Variants in ERBB4 observed in about 807,000 individuals in gnomAD.
ERBB4 encodes receptor tyrosine-protein kinase erbB-4.
A neutral mutation model predicts 158.0 loss-of-function variants in ERBB4; 42 were observed. The observed-to-expected ratio is 0.27, with a 90% CI of 0.21 to 0.34. The LOEUF (loss-of-function observed/expected upper bound fraction) is 0.34, where lower values mean the gene tolerates loss of function less well. ERBB4 is among the 10% of genes least tolerant of loss of function. The pLI is 1.00. For missense variants in ERBB4, 1,333 were observed against 1,624.1 expected, an observed-to-expected ratio of 0.82 and a Z score of 3.08; for synonymous variants, 583 against 558.7, an observed-to-expected ratio of 1.04 and a Z score of -0.61.
intron 2 of ERBB4, among the ~76,000 whole-genome samples, chr2:212,065,028 T>TG (rs1259130245): frequency 9.2e-5 from 12 of 130,392 alleles, no homozygotes; most frequent in African/African-American, 2.5e-4. Context: ...TGTGTGTGTG[T>TG]TGTGTGTGTG....
At chr2:211,725,889 A>T (rs562451814) in intron 5 of ERBB4, among the ~76,000 whole-genome samples, 2 of 152,118 alleles carry the variant, frequency 1.3e-5, no homozygotes, top group African/African-American at 4.8e-5. Context: ...AAAGAAAGCC[A>T]TTAATAGTAA....
At chr2:212,321,921 A>G (rs564159997) in intron 1 of ERBB4, among the ~76,000 whole-genome samples, 1 of 150,224 alleles carries the variant, frequency 6.7e-6, no homozygotes, top group Admixed American at 6.6e-5. Context: ...TAAAATGGCT[A>G]CAGAGATGGA....
At chr2:212,494,467 CAGTT>C (rs1457713095) in intron 1 of ERBB4, among the ~76,000 whole-genome samples, 1 of 151,972 alleles carries the variant, frequency 6.6e-6, no homozygotes, top group East Asian at 1.9e-4. Context: ...AAAATGACCT[CAGTT>C]AGAAGAAATT....
intron 1 of ERBB4, among the ~76,000 whole-genome samples, chr2:212,203,716 C>T (rs977669546): frequency 1.3e-5 from 2 of 152,178 alleles, no homozygotes; most frequent in African/African-American, 2.4e-5. Context: ...TTAATCCAAT[C>T]TCTGTCCACT....
At chr2:212,239,328 C>A (rs1251828745) in intron 1 of ERBB4, among the ~76,000 whole-genome samples, 2 of 152,096 alleles carry the variant, frequency 1.3e-5, no homozygotes, top group Non-Finnish European at 2.9e-5. Context: ...CAGGCATGAC[C>A]CATCACACCC....
At chr2:212,046,063 A>G (rs1443582679) in intron 2 of ERBB4, among the ~76,000 whole-genome samples, 1 of 152,212 alleles carries the variant, frequency 6.6e-6, no homozygotes, top group South Asian at 2.1e-4. Context: ...GAAGATGACA[A>G]TTTGGATAAA....
chr2:211,971,034 AG>A (rs772596725), intron 2 of ERBB4, among the ~76,000 whole-genome samples: 71 of 152,232 alleles, frequency 4.7e-4, no homozygotes, highest in Non-Finnish European at 7.4e-4. Flanking sequence ...TTTCATATTC[AG>A]TGCTTCCTTG....
In ERBB4 at chr2:211,580,879, A is replaced by AG. The variant is rs1177522902; in HGVS notation, c.2302-18792_2302-18791insC. ...AGTATGCATATACATATATATATAT[A>AG]TATATATATATATATATATATATAT... On this transcript the variant is annotated intron_variant, in intron 19 of 27. Coordinates refer to ENST00000342788, the MANE Select transcript of ERBB4 (RefSeq NM_005235.3). Among the ~76,000 whole-genome samples the AG allele has an allele frequency of 3.7e-3, 250 of 67,110 alleles. 20 individuals are homozygous for AG. Among genetic ancestry groups the AG allele is most frequent in the Non-Finnish European group, 3.9e-3 (162 of 41,064 alleles). The allele number at this position is 67,110 out of a possible 152,430, so 44.0% of individuals were successfully genotyped here.
At chr2:211,881,602 C>A (rs2371345) in intron 3 of ERBB4, among the ~76,000 whole-genome samples, 1 of 137,060 alleles carries the variant, frequency 7.3e-6, no homozygotes, top group Non-Finnish European at 1.5e-5. Flanking sequence ...GGGTGGGGGT[C>A]GGGGGGGCTG....
At chr2:212,290,677 TGTGC>T (rs2086172896) in intron 1 of ERBB4, among the ~76,000 whole-genome samples, 1 of 151,968 alleles carries the variant, frequency 6.6e-6, no homozygotes, top group Admixed American at 6.6e-5. Flanking sequence ...TGTGTGTGTG[TGTGC>T]GTGTGTGCAC....
chr2:211,484,620 A>C (rs1239536921), intron 20 of ERBB4, among the ~76,000 whole-genome samples: 1 of 152,204 alleles, frequency 6.6e-6, no homozygotes, highest in East Asian at 1.9e-4. Flanking sequence ...AAAAAGCATA[A>C]TTTCATAATG....
At chr2:211,625,579 T>C (rs988795791) in intron 17 of ERBB4, among the ~76,000 whole-genome samples, 10 of 152,210 alleles carry the variant, frequency 6.6e-5, no homozygotes, top group South Asian at 4.1e-4. Context: ...TTTGATAACA[T>C]AGAACTGCAT....
intron 20 of ERBB4, among the ~76,000 whole-genome samples, chr2:211,515,872 T>C (rs951053694): frequency 6.9e-6 from 1 of 144,222 alleles, no homozygotes; most frequent in African/African-American, 2.6e-5. Context: ...AGTGACTGTT[T>C]AGTAACTTAT....
intron 1 of ERBB4, among the ~76,000 whole-genome samples, chr2:212,293,804 T>C (rs113952476): frequency 0.19 from 24,274 of 128,248 alleles, 2,198 homozygotes; most frequent in South Asian, 0.33. Context: ...GTCAAAATAG[T>C]GCCACTGCAC....
At chr2:212,255,934 C>T (rs544712444) in intron 1 of ERBB4, among the ~76,000 whole-genome samples, 1 of 152,124 alleles carries the variant, frequency 6.6e-6, no homozygotes, top group East Asian at 1.9e-4. Context: ...GATCCTCCCA[C>T]CTCAGCCTCC....
At chr2:212,504,642 GATAC>G (rs1169512319) in intron 1 of ERBB4, among the ~76,000 whole-genome samples, 12 of 152,180 alleles carry the variant, frequency 7.9e-5, no homozygotes, top group African/African-American at 2.9e-4. Context: ...TAAAATTGAA[GATAC>G]ATAGTCTGAA....
chr2:211,986,622 G>T (rs1321082500), intron 2 of ERBB4, among the ~76,000 whole-genome samples: 1 of 152,016 alleles, frequency 6.6e-6, no homozygotes, highest in African/African-American at 2.4e-5. Context: ...TCAAGAACCT[G>T]GGCTCTAGGG....
chr2:211,924,388 T>A (rs955320115), intron 3 of ERBB4, among the ~76,000 whole-genome samples: 19 of 152,152 alleles, frequency 1.2e-4, no homozygotes, highest in African/African-American at 4.3e-4. Flanking sequence ...ATTTGGGTGA[T>A]GGGTGCCCTA....
intron 3 of ERBB4, among the ~76,000 whole-genome samples, chr2:211,926,985 T>C (rs2080036274): frequency 1.3e-5 from 2 of 152,142 alleles, no homozygotes; most frequent in African/African-American, 4.8e-5. Context: ...CCGTCAAACA[T>C]TGGAAGTATT....
Sources: gnomAD v4.1 joint callset for allele counts (sites outside exome capture counted in the v4.1 genomes callset) on GRCh38, gnomAD v4.1.1 for gene constraint, MANE v1.5 for transcripts, NCBI Gene and HGNC (gene_info 2026-07-23, HGNC 2026-07-21) for gene names.